EDEM2: variants seen among roughly 807,000 people sequenced by gnomAD.
The protein encoded by EDEM2 is ER degradation enhancing alpha-mannosidase like protein 2.
A neutral mutation model predicts 64.8 loss-of-function variants in EDEM2; 39 were observed. That is an observed-to-expected ratio of 0.60 (90% confidence interval 0.47 to 0.79). The LOEUF is 0.79. EDEM2 is among the 30% of genes least tolerant of loss of function. The probability of loss-of-function intolerance (pLI) is 0.00; values close to 1 mark genes in which losing one functional copy is unlikely to be tolerated. For synonymous variants in EDEM2, 296 were observed against 291.5 expected (o/e 1.02, Z -0.16); for missense variants, 609 against 731.3 (o/e 0.83, Z 1.93).
intron 9 of EDEM2, among the ~76,000 whole-genome samples, chr20:35,122,616 C>T (rs1450656392): frequency 2.0e-5 from 3 of 152,156 alleles, no homozygotes; most frequent in Non-Finnish European, 4.4e-5. Context: ...TCAGGTGATC[C>T]ACCTGCCTTG....
At chr20:35,136,419 G>A (rs1020653102) in intron 5 of EDEM2, among the ~76,000 whole-genome samples, 2 of 152,130 alleles carry the variant, frequency 1.3e-5, no homozygotes, top group Admixed American at 6.5e-5. Flanking sequence ...TAGCTCACCC[G>A]CTATCCTCAG....
chr20:35,144,812 T>C (rs2085706486), intron 3 of EDEM2, among the ~76,000 whole-genome samples, 167 bp downstream of exon 3: 1 of 152,220 alleles, frequency 6.6e-6, no homozygotes, highest in Non-Finnish European at 1.5e-5. Flanking sequence ...GTAGTTCGTT[T>C]TTCCCCTATC....
chr20:35,136,098 C>G (rs761716257), intron 5 of EDEM2, among the ~76,000 whole-genome samples: 2 of 152,212 alleles, frequency 1.3e-5, no homozygotes, highest in Non-Finnish European at 2.9e-5. Flanking sequence ...CAGGGTCTAG[C>G]AACTGTGTCT....
intron 9 of EDEM2, among the ~76,000 whole-genome samples, chr20:35,119,596 C>A (rs946858950): frequency 5.3e-5 from 8 of 151,522 alleles, no homozygotes; most frequent in Non-Finnish European, 8.8e-5. Context: ...GACCTTATCT[C>A]AAAAAATAAA....
At chr20:35,127,479 A>G (rs1319591188) in intron 7 of EDEM2, among the ~76,000 whole-genome samples, 1 of 152,198 alleles carries the variant, frequency 6.6e-6, no homozygotes, top group Non-Finnish European at 1.5e-5. Context: ...TTGTAAATCC[A>G]TGAGGCCTGG....
Position 35,146,947 on chromosome 20 carries a change from A to G in EDEM2, c.108-12T>C. The G allele has an allele frequency of 6.2e-7, 1 of 1,610,924 alleles. No homozygotes were observed. Among genetic ancestry groups the G allele is most frequent in the South Asian group, 1.1e-5 (1 of 90,524 alleles). ...CCTTGACTCGCTCCCTGGGTGGGGG[A>G]CGAGAAATCAGGCATGGGGCAAGAA... On this transcript the variant is annotated splice_polypyrimidine_tract_variant and intron_variant, in intron 1 of 10. Transcript: ENST00000374492.
intron 3 of EDEM2, 35 bp from the exon 4 acceptor site, chr20:35,142,513 T>G: frequency 1.3e-6 from 2 of 1,520,548 alleles, no homozygotes; most frequent in Non-Finnish European, 1.8e-6. Context: ...AATGAGGCTC[T>G]TACATGCATG....
At chr20:35,117,168 G>C (rs1387906625) in intron 10 of EDEM2, 1 of 152,148 alleles carries the variant, frequency 6.6e-6, no homozygotes, top group African/African-American at 2.4e-5. Context: ...CACTTACTAG[G>C]TTCAACTGCT....
chr20:35,116,285 G>A (rs1421353458), intron 10 of EDEM2, among the ~76,000 whole-genome samples: 1 of 152,066 alleles, frequency 6.6e-6, no homozygotes, highest in Non-Finnish European at 1.5e-5. Context: ...AGGATAACAG[G>A]CGTGAGACAC....
rs1057310958 is a variant in EDEM2, at chr20:35,136,671, T to C, written c.490+1209A>G. Among the ~76,000 whole-genome samples, 4 of 146,050 alleles carry C rather than the reference T, an allele frequency of 2.7e-5. No individual in the cohort carries two copies. The East Asian group carries it at 6.1e-4, about 22-fold the overall frequency. ...AGGAGGCTGAGGTGGGAGAATCAACTGAGCCCAGAAGTTCGAGAGGCTGCA... is the reference window on the plus strand; with the variant it reads ...AGGAGGCTGAGGTGGGAGAATCAACCGAGCCCAGAAGTTCGAGAGGCTGCA... On this transcript the variant is annotated intron_variant, in intron 5 of 10. Coordinates refer to ENST00000374492, the MANE Select transcript of EDEM2 (RefSeq NM_018217.3).
intron 3 of EDEM2, among the ~76,000 whole-genome samples, chr20:35,143,846 T>C (rs2085691841): frequency 6.6e-6 from 1 of 152,122 alleles, no homozygotes; most frequent in Non-Finnish European, 1.5e-5. Flanking sequence ...AGTGCTGGGA[T>C]TACAGGCATG....
chr20:35,121,130 A>G (rs369761546), intron 9 of EDEM2, among the ~76,000 whole-genome samples: 1 of 152,224 alleles, frequency 6.6e-6, no homozygotes, highest in African/African-American at 2.4e-5. Context: ...ATTCATGTGC[A>G]TTACATTTAT....
Position 35,134,794 on chromosome 20 carries a change from C to T in EDEM2, c.646G>A (p.Asp216Asn). The change falls in exon 6 of 11, where the codon GAT becomes AAT. Residue 216 changes from aspartate (D) to asparagine (N), a missense_variant. Transcript: ENST00000374492. ...SSLTGDPVFE[D>N]VARVALMRLW... ...CGCATCAAAGCCACTCTGGCCACAT[C>T]TTCGAACACCGGGTCACCAGTGAGG... The T allele has an allele frequency of 6.2e-7, 1 of 1,614,076 alleles. No homozygotes were observed. Among genetic ancestry groups the T allele is most frequent in the African/African-American group, 1.3e-5 (1 of 75,034 alleles).
At chr20:35,120,593 C>CTTT (rs5841194) in intron 9 of EDEM2, among the ~76,000 whole-genome samples, 142 of 95,014 alleles carry the variant, frequency 1.5e-3, no homozygotes, top group African/African-American at 2.4e-3. Context: ...TCGGCTTCTT[C>CTTT]TTTTTTTTTT....
chr20:35,132,407 C>A (rs183907928), intron 6 of EDEM2, among the ~76,000 whole-genome samples: 1 of 151,736 alleles, frequency 6.6e-6, no homozygotes, highest in Non-Finnish European at 1.5e-5. Flanking sequence ...AATCCCAGCA[C>A]GTTGGGAGGC....
intron 7 of EDEM2, among the ~76,000 whole-genome samples, chr20:35,128,460 A>G (rs6060253): frequency 0.77 from 114,248 of 147,980 alleles, 45,118 homozygotes; most frequent in Middle Eastern, 0.86. Flanking sequence ...TCAGGAGGCT[A>G]AGACAGGAAA....
At position 35,118,805 on chromosome 20, in the gene EDEM2, C is replaced by T. The variant is rs763817914; in HGVS notation, c.1115-86G>A. On this transcript the variant is annotated intron_variant, in intron 9 of 10. Coordinates refer to ENST00000374492, the MANE Select transcript of EDEM2 (RefSeq NM_018217.3). Reference sequence around the variant, plus strand: ...CTTAGGGCCGTGAGGGACTACTCCCCTCCATATCTTGTCCATAAGGCCCCA... The same window carrying T: ...CTTAGGGCCGTGAGGGACTACTCCCTTCCATATCTTGTCCATAAGGCCCCA... 1.1e-5 allele frequency: 17 copies of T among 1,557,916 alleles called. 1 individual carries two copies. Among genetic ancestry groups the T allele is most frequent in the Middle Eastern group, 4.8e-4 (2 of 4,176 alleles).
chr20:35,135,652 A>AAATAATAAT (rs58483257), intron 5 of EDEM2, among the ~76,000 whole-genome samples: 14 of 151,772 alleles, frequency 9.2e-5, no homozygotes, highest in African/African-American at 1.5e-4. Flanking sequence ...CCCTGTCTCA[A>AAATAATAAT]AATAATAATA....
chr20:35,141,299 A>G (rs956995683), intron 4 of EDEM2, among the ~76,000 whole-genome samples: 1 of 152,198 alleles, frequency 6.6e-6, no homozygotes, highest in South Asian at 2.1e-4. Flanking sequence ...TCTAATCATA[A>G]AACTACAGAA....
Sources: gnomAD v4.1 joint callset for allele counts (sites outside exome capture counted in the v4.1 genomes callset) on GRCh38, gnomAD v4.1.1 for gene constraint, MANE v1.5 for transcripts, NCBI Gene and HGNC (gene_info 2026-07-23, HGNC 2026-07-21) for gene names.